Variants in GABBR2 observed in about 807,000 individuals in gnomAD.
GABBR2 encodes G-protein coupled receptor 51.
A neutral mutation model predicts 105.6 loss-of-function variants in GABBR2; 23 were observed. The observed-to-expected ratio is 0.22, with a 90% CI of 0.16 to 0.31. GABBR2 has a LOEUF of 0.31. Among genes scored for constraint, GABBR2 ranks in the 10% least tolerant of loss-of-function variants. The probability of loss-of-function intolerance (pLI) is 1.00; values close to 1 mark genes in which losing one functional copy is unlikely to be tolerated. For missense variants in GABBR2, 734 were observed against 1,245.5 expected (o/e 0.59, Z 6.18); for synonymous variants, 478 against 499.7 (o/e 0.96, Z 0.58).
rs552399007 is a variant in GABBR2, at chr9:98,330,402, C to CA, written c.1894-19198dup. 7.2e-5 allele frequency among the ~76,000 whole-genome samples: 11 copies of CA among 152,240 alleles called. No individual in the cohort carries two copies. In the East Asian group the frequency reaches 1.2e-3, roughly 16 times the overall value. ...TTTCATACATGGAGGAGAGCAGGGA[C>CA]AAAAAAATCACAGAAATGGAACTGA... On this transcript the variant is annotated intron_variant, in intron 13 of 18. Coordinates refer to ENST00000259455, the MANE Select transcript of GABBR2 (RefSeq NM_005458.8).
rs377488353 is a variant in GABBR2 at position 98,403,756 on chromosome 9, AAT to A, written c.1297+2323_1297+2324del. On this transcript the variant is annotated intron_variant, in intron 8 of 18. Transcript: ENST00000259455. ...CTACTTACTTGCTGAGAAAAAAAAA[AAT>A]ATATATATATATACATATATATAAA... 2.8e-3 allele frequency among the ~76,000 whole-genome samples: 401 copies of A among 145,294 alleles called. 2 individuals are homozygous for A. Among genetic ancestry groups the A allele is most frequent in the African/African-American group, 9.5e-3 (370 of 38,946 alleles).
intron 9 of GABBR2, among the ~76,000 whole-genome samples, chr9:98,391,355 T>A (rs1832177268): frequency 6.6e-6 from 1 of 152,180 alleles, no homozygotes; most frequent in Non-Finnish European, 1.5e-5. Flanking sequence ...GACAATGGTT[T>A]TCTAGGTGTT....
At chr9:98,682,009 C>T (rs946162907) in intron 1 of GABBR2, among the ~76,000 whole-genome samples, 5 of 152,122 alleles carry the variant, frequency 3.3e-5, no homozygotes, top group African/African-American at 4.8e-5. Flanking sequence ...TGGAGACAGG[C>T]GGATCACTTG....
chr9:98,639,956 C>A lies in GABBR2; in HGVS notation c.322-61884G>T, dbSNP rs2131835499. On this transcript the variant is annotated intron_variant, in intron 1 of 18. Transcript: ENST00000259455. ...AGTGGCAACCAGGACAGGTAGTCTTCCATCACCTTGAACTGTCTCTGAAAC... is the reference window on the plus strand; with the variant it reads ...AGTGGCAACCAGGACAGGTAGTCTTACATCACCTTGAACTGTCTCTGAAAC... Among the ~76,000 whole-genome samples, 2 of 152,250 alleles carry A rather than the reference C, an allele frequency of 1.3e-5. 1 individual carries two copies. The highest frequency in any genetic ancestry group is 4.2e-4 in the South Asian group (2 of 4,812).
chr9:98,620,055 C>T (rs1210323774), intron 1 of GABBR2, among the ~76,000 whole-genome samples: 1 of 152,234 alleles, frequency 6.6e-6, no homozygotes, highest in Admixed American at 6.5e-5. Context: ...TGAGATAGTA[C>T]ATGTGGATGT....
At chr9:98,697,362 G>A (rs1426642931) in intron 1 of GABBR2, among the ~76,000 whole-genome samples, 1 of 152,132 alleles carries the variant, frequency 6.6e-6, no homozygotes, top group Non-Finnish European at 1.5e-5. Context: ...GTGGTGGCGG[G>A]CGCCTGTAGT....
chr9:98,402,726 G>A (rs1832415905), intron 8 of GABBR2, among the ~76,000 whole-genome samples: 1 of 152,274 alleles, frequency 6.6e-6, no homozygotes, highest in South Asian at 2.1e-4. Context: ...CCTCACCCAA[G>A]GGGAAAGGAT....
chr9:98,453,460 AC>A (rs1186871366), intron 7 of GABBR2, among the ~76,000 whole-genome samples: 1 of 152,274 alleles, frequency 6.6e-6, no homozygotes, highest in Non-Finnish European at 1.5e-5. Flanking sequence ...AAAGATGGTC[AC>A]CAAAATTAGT....
At chr9:98,581,679 T>A (rs1294469950) in intron 1 of GABBR2, among the ~76,000 whole-genome samples, 1 of 152,182 alleles carries the variant, frequency 6.6e-6, no homozygotes, top group Non-Finnish European at 1.5e-5. Flanking sequence ...TACCATGATT[T>A]TTTTTTTTGG....
At chr9:98,487,947 C>T (rs1385478767) in intron 4 of GABBR2, among the ~76,000 whole-genome samples, 1 of 152,172 alleles carries the variant, frequency 6.6e-6, no homozygotes, top group African/African-American at 2.4e-5. Context: ...AATGTATTCA[C>T]AGGGTCCTTA....
At chr9:98,572,029 T>C (rs12343226) in intron 2 of GABBR2, among the ~76,000 whole-genome samples, 10,165 of 152,266 alleles carry the variant, frequency 0.067, 448 homozygotes, top group Middle Eastern at 0.14. Flanking sequence ...CCTTCCCTGA[T>C]GCTTTCCTGG....
chr9:98,643,832 G>A (rs1194999415), intron 1 of GABBR2, among the ~76,000 whole-genome samples: 1 of 152,194 alleles, frequency 6.6e-6, no homozygotes, highest in Non-Finnish European at 1.5e-5. Flanking sequence ...GCTGAAAACT[G>A]CTAACTGCCA....
intron 2 of GABBR2, among the ~76,000 whole-genome samples, chr9:98,566,665 A>T (rs1159734439): frequency 4.0e-5 from 6 of 151,262 alleles, no homozygotes; most frequent in Non-Finnish European, 8.8e-5. Context: ...ACAGACTGAG[A>T]CTCCGTCTCA....
At chr9:98,521,863 C>A (rs994947395) in intron 3 of GABBR2, among the ~76,000 whole-genome samples, 1 of 152,070 alleles carries the variant, frequency 6.6e-6, no homozygotes, top group African/African-American at 2.4e-5. Context: ...CCTATGAAAA[C>A]TTTCTGAAAC....
At chr9:98,401,742 G>A (rs966518018) in intron 8 of GABBR2, among the ~76,000 whole-genome samples, 2 of 152,194 alleles carry the variant, frequency 1.3e-5, no homozygotes, top group Non-Finnish European at 2.9e-5. Context: ...TCTCAAAGTA[G>A]GGTCAAACTA....
At chr9:98,515,844 C>G (rs556432143) in intron 3 of GABBR2, 18 of 152,372 alleles carry the variant, frequency 1.2e-4, no homozygotes, top group African/African-American at 4.1e-4. Context: ...AAATGAGGGA[C>G]TTGAAAGATT....
intron 5 of GABBR2, among the ~76,000 whole-genome samples, chr9:98,476,311 T>G (rs776259757): frequency 6.6e-6 from 1 of 152,226 alleles, no homozygotes; most frequent in South Asian, 2.1e-4. Context: ...GCTTATTCCA[T>G]TTGAATGATA....
rs1564026872 is a variant in GABBR2, at chr9:98,349,344, G to GTTTTTTTTTTTTTTT, written c.1893+13370_1893+13371insAAAAAAAAAAAAAAA. On this transcript the variant is annotated intron_variant, in intron 13 of 18. Coordinates refer to ENST00000259455, the MANE Select transcript of GABBR2 (RefSeq NM_005458.8). ...TTTGGTTTGCCAATATTTTGTTGAA[G>GTTTTTTTTTTTTTTT]TTTTGTTTTTTTTTTTTTTTTTTTT... Among the ~76,000 whole-genome samples the GTTTTTTTTTTTTTTT allele has an allele frequency of 4.7e-5, 5 of 105,504 alleles. 2 individuals carry two copies. The highest frequency in any genetic ancestry group is 9.0e-5 in the Non-Finnish European group (5 of 55,464). 69.2% of individuals were successfully genotyped at this position (105,504 alleles called of 152,430 possible). A position where few individuals can be genotyped will look rare whatever the true frequency, so the allele number is the denominator to read the frequency against.
intron 13 of GABBR2, among the ~76,000 whole-genome samples, chr9:98,341,627 T>C (rs1434513949): frequency 6.6e-6 from 1 of 152,142 alleles, no homozygotes; most frequent in African/African-American, 2.4e-5. Flanking sequence ...CCAGTTACGA[T>C]TGCCTGATGG....
Sources: allele counts gnomAD v4.1 joint callset (sites outside exome capture counted in the v4.1 genomes callset), GRCh38; gene constraint gnomAD v4.1.1; transcripts MANE v1.5; gene names NCBI Gene and HGNC (gene_info 2026-07-23, HGNC 2026-07-21).